Variants in F13B observed in about 807,000 individuals in gnomAD.
F13B encodes the protein coagulation factor XIII B chain.
Under a neutral mutation model 79.8 loss-of-function variants are expected in F13B, and 58 were observed. The observed-to-expected ratio is 0.73, with a 90% CI of 0.59 to 0.90. F13B has a LOEUF of 0.90. Ranked by LOEUF, F13B falls within the 40% of genes least tolerant of loss-of-function variation. The pLI, the probability that F13B is intolerant of heterozygous loss-of-function variation, is 0.00. For synonymous variants in F13B, 283 were observed against 260.3 expected, an observed-to-expected ratio of 1.09 and a Z score of -0.84; for missense variants, 773 against 777.0, an observed-to-expected ratio of 0.99 and a Z score of 0.06.
intron 4 of F13B, 87 bp downstream of exon 4, chr1:197,060,812 C>T: frequency 3.2e-6 from 4 of 1,252,778 alleles, no homozygotes; most frequent in Non-Finnish European, 4.7e-6. Context: ...AAAGGTGAAA[C>T]ATAATGAGCA....
chr1:197,046,271 G>A lies in F13B; in HGVS notation c.1738+4426C>T, dbSNP rs143819025. 6.0e-3 allele frequency among the ~76,000 whole-genome samples: 912 copies of A among 152,194 alleles called. 15 individuals carry two copies. Among genetic ancestry groups the A allele is most frequent in the African/African-American group, 0.021 (874 of 41,522 alleles). ...GATTATATATTTAGAAAACCCCATC[G>A]TCTCAGCCCAAAATCTCCTTAAGCT... On this transcript the variant is annotated intron_variant, in intron 10 of 11. Transcript: ENST00000367412.
intron 1 of F13B, 37 bp from the exon 2 acceptor site, chr1:197,063,094 C>T: frequency 6.4e-7 from 1 of 1,566,848 alleles, no homozygotes; most frequent in East Asian, 2.2e-5. Flanking sequence ...AATGGAAAAA[C>T]AAATCTAAAA....
chr1:197,050,615 T>C, intron 10 of F13B, 82 bp downstream of exon 10: 1 of 1,177,552 alleles, frequency 8.5e-7, no homozygotes, highest in Non-Finnish European at 1.2e-6. Flanking sequence ...AGCATTATAT[T>C]AGTGTTATGT....
intron 10 of F13B, among the ~76,000 whole-genome samples, chr1:197,044,043 A>G (rs1655135354): frequency 6.8e-6 from 1 of 146,300 alleles, no homozygotes; most frequent in African/African-American, 2.7e-5. Flanking sequence ...GAACTAACTC[A>G]TATATATATA....
intron 10 of F13B, among the ~76,000 whole-genome samples, chr1:197,050,320 A>C (rs1490460088): frequency 6.6e-6 from 1 of 152,112 alleles, no homozygotes; most frequent in Non-Finnish European, 1.5e-5. Flanking sequence ...TCATCTTTCC[A>C]TATTGAGTTG....
chr1:197,062,856 C>G lies in F13B; in HGVS notation c.265+1G>C. The G allele has an allele frequency of 2.5e-6, 4 of 1,613,700 alleles. No individual in the cohort carries two copies. Among genetic ancestry groups the G allele is most frequent in the Non-Finnish European group, 2.5e-6 (3 of 1,179,678 alleles). On this transcript the variant is annotated splice_donor_variant, in intron 2 of 11. Transcript: ENST00000367412. LOFTEE classifies it high-confidence loss of function. The stretch of plus-strand genomic sequence containing the variant: ...TTGAGTGACATATCCAGCTGACTTA[C>G]TGAAGCACCTTGGCTCTGGAGACCA...
rs1654944201 is a variant in F13B, at chr1:197,039,099, C to T, written c.*279G>A. 1 of 374,364 alleles carries T rather than the reference C, an allele frequency of 2.7e-6. No individual in the cohort carries two copies. Among genetic ancestry groups the T allele is most frequent in the African/African-American group, 2.1e-5 (1 of 48,306 alleles). The allele number at this position is 374,364 out of a possible 1,614,324, so 23.2% of individuals were successfully genotyped here. On this transcript the variant is annotated 3_prime_UTR_variant, in exon 12 of 12. Transcript: ENST00000367412. ...ATTGAAAACAACTATATAGTCTAGT[C>T]AATGGGCATTAGGAAATGAAAATAT... is the stretch of plus-strand genomic sequence containing the variant.
intron 1 of F13B, among the ~76,000 whole-genome samples, chr1:197,066,581 T>G (rs1656058459): frequency 6.6e-6 from 1 of 152,154 alleles, no homozygotes; most frequent in Non-Finnish European, 1.5e-5. Flanking sequence ...GTCCAAACAG[T>G]TATTAATAGA....
chr1:197,061,695 T>A, intron 3 of F13B, 89 bp downstream of exon 3: 1 of 1,070,212 alleles, frequency 9.3e-7, no homozygotes, highest in Non-Finnish European at 1.4e-6. Flanking sequence ...ATAAATTCTA[T>A]TAAATAATAG....
chr1:197,056,471 G>T (rs1032556619), intron 7 of F13B, among the ~76,000 whole-genome samples: 1 of 152,154 alleles, frequency 6.6e-6, no homozygotes, highest in Non-Finnish European at 1.5e-5. Flanking sequence ...CTCCAGGAAT[G>T]ATAGTGTAGC....
chr1:197,054,781 A>T (rs1484438713), intron 8 of F13B, among the ~76,000 whole-genome samples: 2 of 152,024 alleles, frequency 1.3e-5, no homozygotes, highest in Non-Finnish European at 2.9e-5. Context: ...AAAGATTAGG[A>T]TGATTACTAC....
At chr1:197,040,833 G>A (rs1237715218) in intron 10 of F13B, 98 bp from the exon 11 acceptor site, 23 of 941,720 alleles carry the variant, frequency 2.4e-5, no homozygotes, top group Non-Finnish European at 3.6e-5. Context: ...TACTCATGAG[G>A]ACCTTAAAAT....
At chr1:197,053,702 G>T (rs533422093) in intron 8 of F13B, among the ~76,000 whole-genome samples, 1 of 152,218 alleles carries the variant, frequency 6.6e-6, no homozygotes, top group Non-Finnish European at 1.5e-5. Flanking sequence ...GCAGGAGGGG[G>T]TAACAAAAGA....
chr1:197,054,998 G>T (rs185535025), intron 8 of F13B, among the ~76,000 whole-genome samples: 7 of 151,998 alleles, frequency 4.6e-5, no homozygotes, highest in Admixed American at 2.6e-4. Context: ...TCAATAAACT[G>T]GTTAAATTAC....
intron 10 of F13B, among the ~76,000 whole-genome samples, chr1:197,044,526 C>A (rs1458442200): frequency 6.6e-6 from 1 of 152,052 alleles, no homozygotes; most frequent in African/African-American, 2.4e-5. Flanking sequence ...TAGAGACCTG[C>A]AAAGAGATTT....
At position 197,055,716 on chromosome 1, in the gene F13B, C is replaced by T. The variant is rs775038298; in HGVS notation, c.1353G>A (p.Leu451=). The T allele has an allele frequency of 7.4e-6, 12 of 1,613,148 alleles. No individual in the cohort carries two copies. In the African/African-American group the frequency reaches 1.3e-4, roughly 18 times the overall value. Reference sequence around the variant, plus strand: ...CATTCCATGTGTTCTCTTTCTTACCCAAGCAAACAGGTGGGGATGACCATT... The same window carrying T: ...CATTCCATGTGTTCTCTTTCTTACCTAAGCAAACAGGTGGGGATGACCATT... ...QGKWSSPPVC[L]EPCTVNVDYM... Residue 451 remains leucine (L), a splice_region_variant and synonymous_variant, in exon 8 of 12, where the codon TTG becomes TTA. Coordinates refer to ENST00000367412, the MANE Select transcript of F13B (RefSeq NM_001994.3).
intron 9 of F13B, among the ~76,000 whole-genome samples, chr1:197,051,832 G>A (rs922183097): frequency 6.6e-6 from 1 of 152,092 alleles, no homozygotes; most frequent in African/African-American, 2.4e-5. Context: ...TTTGAGAAGT[G>A]ACTGTTTATA....
intron 9 of F13B, among the ~76,000 whole-genome samples, chr1:197,051,547 G>C (rs570379003): frequency 6.6e-6 from 1 of 152,210 alleles, no homozygotes; most frequent in African/African-American, 2.4e-5. Context: ...GTGCTCACAA[G>C]AAGGTGATCA....
At chr1:197,060,236 G>C in intron 5 of F13B, 130 bp downstream of exon 5, 1 of 609,586 alleles carries the variant, frequency 1.6e-6, no homozygotes, top group Middle Eastern at 4.4e-4. Flanking sequence ...TGATTTAAAA[G>C]ATAATATTTA....
Sources: allele counts gnomAD v4.1 joint callset (sites outside exome capture counted in the v4.1 genomes callset), GRCh38; gene constraint gnomAD v4.1.1; transcripts MANE v1.5; gene names NCBI Gene and HGNC (gene_info 2026-07-23, HGNC 2026-07-21).